MYO16: variants seen among roughly 807,000 people sequenced by gnomAD.
MYO16 encodes the protein unconventional myosin-XVI.
Under a neutral mutation model 205.3 loss-of-function variants are expected in MYO16, and 94 were observed. That is an observed-to-expected ratio of 0.46 (90% confidence interval 0.39 to 0.54). The LOEUF (loss-of-function observed/expected upper bound fraction) is 0.54, where lower values mean the gene tolerates loss of function less well. Ranked by LOEUF, MYO16 falls within the 20% of genes least tolerant of loss-of-function variation. MYO16 has a pLI of 0.00. For missense variants in MYO16, 2,315 were observed against 2,387.5 expected, an observed-to-expected ratio of 0.97 and a Z score of 0.63; for synonymous variants, 988 against 954.0, an observed-to-expected ratio of 1.04 and a Z score of -0.66.
chr13:108,794,717 T>A (rs1221947661), intron 6 of MYO16, among the ~76,000 whole-genome samples: 1 of 152,132 alleles, frequency 6.6e-6, no homozygotes, highest in African/African-American at 2.4e-5. Context: ...CCTGGGTTAG[T>A]GTGAGTTAAA....
chr13:108,984,787 C>G (rs1226420253), intron 20 of MYO16, among the ~76,000 whole-genome samples: 1 of 152,154 alleles, frequency 6.6e-6, no homozygotes, highest in Non-Finnish European at 1.5e-5. Flanking sequence ...TTCAAATACA[C>G]CTCACGGCTC....
At chr13:108,718,636 T>G (rs195250) in intron 3 of MYO16, among the ~76,000 whole-genome samples, 151,402 of 152,140 alleles carry the variant, frequency 1, 75,336 homozygotes, top group Non-Finnish European at 1. Context: ...GTGCTGCCTG[T>G]CGCTGGCAAA....
At chr13:109,143,500 G>A (rs953027644) in intron 32 of MYO16, among the ~76,000 whole-genome samples, 3 of 152,102 alleles carry the variant, frequency 2.0e-5, no homozygotes, top group Non-Finnish European at 4.4e-5. Flanking sequence ...ATTAATATTT[G>A]CTTTTAGAAC....
the MYO16 span, among the ~76,000 whole-genome samples, chr13:108,584,560 A>C: frequency 3.3e-5 from 5 of 152,182 alleles, no homozygotes; most frequent in Middle Eastern, 3.2e-3. Flanking sequence ...ATAGAACACC[A>C]GAACTCATTC....
chr13:109,070,412 T>G (rs899350056), intron 27 of MYO16, among the ~76,000 whole-genome samples: 2 of 152,230 alleles, frequency 1.3e-5, no homozygotes, highest in Non-Finnish European at 2.9e-5. Context: ...GTTTTCTGTA[T>G]AGTTTTATAG....
chr13:108,505,245 T>C, the MYO16 span, among the ~76,000 whole-genome samples: 5 of 152,194 alleles, frequency 3.3e-5, no homozygotes, highest in African/African-American at 1.2e-4. Context: ...CTGTTTTCCA[T>C]AGTGGCTGCA....
intron 12 of MYO16, among the ~76,000 whole-genome samples, chr13:108,869,052 C>T (rs545608431): frequency 6.6e-6 from 1 of 152,220 alleles, no homozygotes; most frequent in East Asian, 1.9e-4. Flanking sequence ...ATGCCTCGTA[C>T]TCTTAAGTCA....
chr13:109,194,514 T>C (rs1490876447), intron 34 of MYO16, among the ~76,000 whole-genome samples: 1 of 152,130 alleles, frequency 6.6e-6, no homozygotes, highest in Non-Finnish European at 1.5e-5. Context: ...AATGATATCA[T>C]GAAGATGATA....
At chr13:108,888,826 A>C (rs1880028432) in intron 14 of MYO16, among the ~76,000 whole-genome samples, 1 of 152,152 alleles carries the variant, frequency 6.6e-6, no homozygotes, top group Non-Finnish European at 1.5e-5. Context: ...AGGCCGAGGC[A>C]TGTGAATCAC....
rs184417250 is a variant in MYO16 at position 109,202,562 on chromosome 13, G to A, written c.5416-4047G>A. On this transcript the variant is annotated intron_variant, in intron 34 of 34. Transcript: ENST00000457511. ...CTTCGAAAGAAATTATAGATGATGCGAACAAATGGAAACACATCCCATGCT... is the reference window on the plus strand; with the variant it reads ...CTTCGAAAGAAATTATAGATGATGCAAACAAATGGAAACACATCCCATGCT... 3.1e-3 allele frequency among the ~76,000 whole-genome samples: 473 copies of A among 152,124 alleles called. 2 individuals carry two copies. Among genetic ancestry groups the A allele is most frequent in the African/African-American group, 0.011 (453 of 41,508 alleles).
At chr13:108,697,577 C>G (rs1883137763) in intron 2 of MYO16, among the ~76,000 whole-genome samples, 1 of 152,124 alleles carries the variant, frequency 6.6e-6, no homozygotes, top group Non-Finnish European at 1.5e-5. Flanking sequence ...AAATTTATGC[C>G]TATCACTGCT....
chr13:108,535,886 C>A, the MYO16 span, among the ~76,000 whole-genome samples: 58 of 152,118 alleles, frequency 3.8e-4, 1 homozygote, highest in South Asian at 5.8e-3. Context: ...GTCTTAATAC[C>A]CTTTCTTCTG....
At chr13:108,669,656 TG>T (rs1171625914) in intron 2 of MYO16, among the ~76,000 whole-genome samples, 1 of 152,210 alleles carries the variant, frequency 6.6e-6, no homozygotes, top group African/African-American at 2.4e-5. Context: ...TTGATGGGGT[TG>T]TTTTTTTATT....
chr13:108,970,217 T>C (rs1883958248), intron 20 of MYO16, among the ~76,000 whole-genome samples: 1 of 152,224 alleles, frequency 6.6e-6, no homozygotes. Flanking sequence ...CTTATACTTA[T>C]TTCAGTGTAA....
intron 28 of MYO16, among the ~76,000 whole-genome samples, chr13:109,114,137 C>T (rs1875551253): frequency 6.6e-6 from 1 of 152,166 alleles, no homozygotes; most frequent in Non-Finnish European, 1.5e-5. Context: ...GACAGACACA[C>T]AGAGCAGGGG....
At chr13:109,067,677 A>T (rs1479056628) in intron 27 of MYO16, among the ~76,000 whole-genome samples, 1 of 152,110 alleles carries the variant, frequency 6.6e-6, no homozygotes, top group Non-Finnish European at 1.5e-5. Context: ...TACACTCTGG[A>T]TTGCCTTTGG....
chr13:108,849,285 G>A (rs1310924230), intron 10 of MYO16, among the ~76,000 whole-genome samples: 1 of 152,022 alleles, frequency 6.6e-6, no homozygotes. Context: ...CCGCCTCCCG[G>A]GTTCAAGCGA....
intron 4 of MYO16, among the ~76,000 whole-genome samples, chr13:108,761,325 C>T (rs1416434616): frequency 6.6e-6 from 1 of 151,778 alleles, no homozygotes; most frequent in African/African-American, 2.4e-5. Context: ...CTAGAGTACA[C>T]AAGATTCCGC....
At chr13:108,836,907 A>G (rs1354191646) in intron 9 of MYO16, among the ~76,000 whole-genome samples, 1 of 152,200 alleles carries the variant, frequency 6.6e-6, no homozygotes, top group Non-Finnish European at 1.5e-5. Flanking sequence ...ACCTTGACTC[A>G]GATGAGACTT....
Sources: gnomAD v4.1 joint callset for allele counts (sites outside exome capture counted in the v4.1 genomes callset) on GRCh38, gnomAD v4.1.1 for gene constraint, MANE v1.5 for transcripts, NCBI Gene and HGNC (gene_info 2026-07-23, HGNC 2026-07-21) for gene names.